SATB1: variants seen among roughly 807,000 people sequenced by gnomAD.
The protein encoded by SATB1 is DNA-binding protein SATB1.
A neutral mutation model predicts 86.9 loss-of-function variants in SATB1; 11 were observed. The ratio of observed to expected loss-of-function variants is 0.13; its 90% confidence interval spans 0.08 to 0.21. The LOEUF (loss-of-function observed/expected upper bound fraction) is 0.21. Ranked by LOEUF, SATB1 falls within the 10% of genes least tolerant of loss-of-function variation. The probability of loss-of-function intolerance (pLI) is 1.00; values close to 1 mark genes in which losing one functional copy is unlikely to be tolerated. For missense variants in SATB1, 551 were observed against 937.6 expected, an observed-to-expected ratio of 0.59 and a Z score of 5.39; for synonymous variants, 357 against 357.2, an observed-to-expected ratio of 1.00 and a Z score of 0.01.
intron 7 of SATB1, among the ~76,000 whole-genome samples, chr3:18,390,004 A>C (rs139325647): frequency 4.6e-5 from 7 of 152,302 alleles, no homozygotes; most frequent in African/African-American, 1.7e-4. Context: ...GAATGAATTT[A>C]CTGCTGAATT....
chr3:18,346,128 G>GTT lies in SATB1; in HGVS notation c.*3040_*3041dup, dbSNP rs905496609. ...CCACACAACTAGGACATACATATTAGTTACCTTGGTTTTCAAAGGTTGTCA... is the reference window on the plus strand; with the variant it reads ...CCACACAACTAGGACATACATATTAGTTTTACCTTGGTTTTCAAAGGTTGTCA... On this transcript the variant is annotated 3_prime_UTR_variant, in exon 11 of 11. Coordinates refer to ENST00000338745, the MANE Select transcript of SATB1 (RefSeq NM_002971.6). The GTT allele has an allele frequency of 4.0e-4, 61 of 152,200 alleles. No homozygotes were observed. The highest frequency in any genetic ancestry group is 1.4e-3 in the African/African-American group (59 of 41,550). The allele number at this position is 152,200 out of a possible 1,614,324, so 9.4% of individuals were successfully genotyped here.
chr3:18,395,300 GTGAGC>G (rs1325632475), intron 6 of SATB1, among the ~76,000 whole-genome samples: 4 of 152,100 alleles, frequency 2.6e-5, no homozygotes, highest in African/African-American at 9.7e-5. Flanking sequence ...ACTACAAACA[GTGAGC>G]TGAGCTGAGA....
rs1698587139 is a variant in SATB1 at position 18,424,764 on chromosome 3, C to A, written c.-1162G>T. The A allele has an allele frequency of 6.6e-6, 1 of 152,354 alleles. No individual in the cohort carries two copies. Among genetic ancestry groups the A allele is most frequent in the Non-Finnish European group, 1.5e-5 (1 of 68,196 alleles). The allele number at this position is 152,354 out of a possible 1,614,324, so 9.4% of individuals were successfully genotyped here. A position where few individuals can be genotyped will look rare whatever the true frequency, so the allele number is the denominator to read the frequency against. ...TTGGGGGAAAAGAAACCCAGAAACC[C>A]CGACAAAACTGATCAGGAGTTTCCC... On this transcript the variant is annotated 5_prime_UTR_variant, in exon 1 of 11. Coordinates refer to ENST00000338745, the MANE Select transcript of SATB1 (RefSeq NM_002971.6).
At chr3:18,413,267 G>T (rs1339543704) in intron 5 of SATB1, among the ~76,000 whole-genome samples, 1 of 152,036 alleles carries the variant, frequency 6.6e-6, no homozygotes, top group East Asian at 1.9e-4. Context: ...AAGTTATAGT[G>T]AGGTAGAGTT....
chr3:18,435,832 A>T (rs1257947609), intron 2 of SATB1, among the ~76,000 whole-genome samples: 1 of 152,164 alleles, frequency 6.6e-6, no homozygotes, highest in Non-Finnish European at 1.5e-5. Flanking sequence ...GGATGGCAAC[A>T]TATCAACAAT....
chr3:18,433,081 T>C (rs1413357244), intron 2 of SATB1, among the ~76,000 whole-genome samples: 1 of 152,200 alleles, frequency 6.6e-6, no homozygotes. Flanking sequence ...TTGAGGTTCC[T>C]TCAATGTAAG....
At position 18,348,606 on chromosome 3, in the gene SATB1, AAAAAC is replaced by A. The variant is rs2125121254; in HGVS notation, c.*559_*563del. 1 of 152,766 alleles carries A rather than the reference AAAAAC, an allele frequency of 6.5e-6. No homozygotes were observed. Among genetic ancestry groups the A allele is most frequent in the South Asian group, 2.1e-4 (1 of 4,834 alleles). 9.5% of individuals were successfully genotyped at this position (152,766 alleles called of 1,614,324 possible). A position where few individuals can be genotyped will look rare whatever the true frequency, so the allele number is the denominator to read the frequency against. ...TACAGTGAACTTTTATTTCCAAAAT[AAAAAC>A]AAATTTGAATTACGGCAGTGCCATA... is the stretch of plus-strand genomic sequence containing the variant. On this transcript the variant is annotated 3_prime_UTR_variant, in exon 11 of 11. Transcript: ENST00000338745.
chr3:18,407,629 G>A (rs1025569362), intron 5 of SATB1, among the ~76,000 whole-genome samples: 2 of 152,008 alleles, frequency 1.3e-5, no homozygotes, highest in Non-Finnish European at 2.9e-5. Context: ...GAGTCATGGA[G>A]TCAGCTGCCC....
At chr3:18,428,882 A>G (rs559595777), upstream of SATB1, among the ~76,000 whole-genome samples, 3 of 152,356 alleles carry the variant, frequency 2.0e-5, no homozygotes, top group South Asian at 2.1e-4. Context: ...TAGCACATAC[A>G]TTTGTAATAA....
intron 6 of SATB1, among the ~76,000 whole-genome samples, chr3:18,395,268 G>T (rs1575136596): frequency 1.3e-5 from 2 of 152,122 alleles, no homozygotes; most frequent in East Asian, 3.8e-4. Flanking sequence ...GCTTCTAAAA[G>T]AATGTCATTT....
intron 5 of SATB1, among the ~76,000 whole-genome samples, chr3:18,401,343 G>A (rs1697255379): frequency 1.3e-5 from 2 of 151,994 alleles, no homozygotes; most frequent in African/African-American, 2.4e-5. Context: ...TTTGGCTGTC[G>A]TGATAGAAAT....
chr3:18,432,792 A>G (rs977710464), intron 2 of SATB1, among the ~76,000 whole-genome samples: 12 of 138,270 alleles, frequency 8.7e-5, no homozygotes, highest in African/African-American at 3.6e-4. Context: ...ATTTTACCAT[A>G]TAAACATTTT....
chr3:18,366,759 C>T (rs1575097459), intron 9 of SATB1, among the ~76,000 whole-genome samples: 1 of 152,128 alleles, frequency 6.6e-6, no homozygotes, highest in Non-Finnish European at 1.5e-5. Flanking sequence ...TCAACTCACA[C>T]CATGTAATAT....
At chr3:18,397,041 C>T (rs1696995758) in intron 6 of SATB1, 138 bp downstream of exon 6, 1 of 620,138 alleles carries the variant, frequency 1.6e-6, no homozygotes, top group South Asian at 1.9e-5. Context: ...CTCATACCCA[C>T]TTCCCACCCC....
chr3:18,365,206 GC>G (rs1695124710), intron 9 of SATB1, among the ~76,000 whole-genome samples: 1 of 152,112 alleles, frequency 6.6e-6, no homozygotes, highest in African/African-American at 2.4e-5. Flanking sequence ...CAGAGATTGG[GC>G]TTACAATTTC....
At chr3:18,353,704 G>A (rs936997217) in intron 9 of SATB1, among the ~76,000 whole-genome samples, 2 of 152,096 alleles carry the variant, frequency 1.3e-5, no homozygotes. Flanking sequence ...AAGAAGCATG[G>A]CCTGTTCTCC....
intron 9 of SATB1, among the ~76,000 whole-genome samples, chr3:18,363,708 A>G (rs1695036495): frequency 6.6e-6 from 1 of 152,158 alleles, no homozygotes; most frequent in Admixed American, 6.6e-5. Context: ...GAATCATTCT[A>G]TCCTCCTACA....
At chr3:18,370,228 C>T (rs536896519) in intron 9 of SATB1, among the ~76,000 whole-genome samples, 1 of 152,060 alleles carries the variant, frequency 6.6e-6, no homozygotes, top group Non-Finnish European at 1.5e-5. Flanking sequence ...TGATAAGCAG[C>T]GCTGGACTTT....
rs190002146 is a variant in SATB1, at chr3:18,386,982, G to A, written c.1207-371C>T. ...CCCAAGCTGCCTAGACAAAGGCAGT[G>A]TAATGCCTACAGCCCAATATGTAAA... On this transcript the variant is annotated intron_variant, in intron 7 of 10. Transcript: ENST00000338745. This position sits in a 1 kb window ranked among gnomAD's most constrained non-coding sequence, Gnocchi z 4.5. Among the ~76,000 whole-genome samples, 2 of 152,290 alleles carry A rather than the reference G, an allele frequency of 1.3e-5. No individual in the cohort carries two copies. Among genetic ancestry groups the A allele is most frequent in the Non-Finnish European group, 2.9e-5 (2 of 68,024 alleles).
Sources: gnomAD v4.1 joint callset for allele counts (sites outside exome capture counted in the v4.1 genomes callset) on GRCh38, gnomAD v4.1.1 for gene constraint, Gnocchi (gnomAD v3.1) non-coding constraint, MANE v1.5 for transcripts, NCBI Gene and HGNC (gene_info 2026-07-23, HGNC 2026-07-21) for gene names.